The following ARHGEF12 variants were observed in gnomAD, a reference collection of about 807,000 sequenced individuals.
The protein encoded by ARHGEF12 is KMT2A/ARHGEF12 fusion protein.
ARHGEF12 carries 66 observed loss-of-function variants against 211.2 expected under a neutral mutation model. The ratio of observed to expected loss-of-function variants is 0.31; its 90% confidence interval spans 0.26 to 0.38. The LOEUF (loss-of-function observed/expected upper bound fraction) is 0.38, where lower values mean the gene tolerates loss of function less well. Ranked by LOEUF, ARHGEF12 falls within the 10% of genes least tolerant of loss-of-function variation. ARHGEF12 has a pLI of 1.00. For synonymous variants in ARHGEF12, 592 were observed against 638.4 expected (o/e 0.93, Z 1.09); for missense variants, 1,429 against 1,869.5 (o/e 0.76, Z 4.34).
chr11:120,337,189 G>A lies in ARHGEF12; in HGVS notation c.-55G>A, dbSNP rs1942375460. On this transcript the variant is annotated 5_prime_UTR_variant, in exon 1 of 41. In the 5' UTR this introduces an upstream ATG that the reference lacks. Transcript: ENST00000397843. ...CCAGAGCACTGGGGGTGGGGAGGAG[G>A]TGTTACTGTAAAATGCAAGTTGGAT... The A allele has an allele frequency of 2.5e-6, 4 of 1,609,294 alleles. No homozygotes were observed. The highest frequency in any genetic ancestry group is 3.4e-6 in the Non-Finnish European group (4 of 1,175,594).
intron 4 of ARHGEF12, among the ~76,000 whole-genome samples, chr11:120,417,658 G>A (rs1945071993): frequency 6.6e-6 from 1 of 151,820 alleles, no homozygotes. Flanking sequence ...GAGATTACAG[G>A]TACCTACCAC....
chr11:120,456,967 A>C (rs1228273125), intron 22 of ARHGEF12, 151 bp from the exon 23 acceptor site: 2 of 628,226 alleles, frequency 3.2e-6, no homozygotes, highest in Non-Finnish European at 5.3e-6. Flanking sequence ...AATTTTGTAT[A>C]TTAAATTTTT....
intron 39 of ARHGEF12, among the ~76,000 whole-genome samples, chr11:120,482,351 A>G (rs1260595898): frequency 6.6e-6 from 1 of 152,174 alleles, no homozygotes; most frequent in Non-Finnish European, 1.5e-5. Flanking sequence ...GTAATCTAAA[A>G]ACATGGTCAT....
chr11:120,427,726 C>T (rs999818824), intron 7 of ARHGEF12, among the ~76,000 whole-genome samples: 6 of 151,110 alleles, frequency 4.0e-5, no homozygotes, highest in Non-Finnish European at 8.9e-5. Context: ...TTAAACATAG[C>T]CACTAATAGA....
At position 120,484,563 on chromosome 11, in the gene ARHGEF12, AT is replaced by A. The variant is rs533055727; in HGVS notation, c.4624+57del. The stretch of plus-strand genomic sequence containing the variant: ...GACTAATCATCCTACACTGAATGAA[AT>A]GACTTATCATACTTTGAAGTGAAAA... On this transcript the variant is annotated intron_variant, in intron 40 of 40. Coordinates refer to ENST00000397843, the MANE Select transcript of ARHGEF12 (RefSeq NM_015313.3). 141 of 1,411,440 alleles carry A rather than the reference AT, an allele frequency of 1.0e-4. No homozygotes were observed. The African/African-American group carries it at 1.8e-3, about 18-fold the overall frequency. The allele number at this position is 1,411,440 out of a possible 1,614,324, so 87.4% of individuals were successfully genotyped here. A position where few individuals can be genotyped will look rare whatever the true frequency, so the allele number is the denominator to read the frequency against.
At chr11:120,344,903 C>T (rs1942656508) in intron 1 of ARHGEF12, among the ~76,000 whole-genome samples, 1 of 152,176 alleles carries the variant, frequency 6.6e-6, no homozygotes, top group Non-Finnish European at 1.5e-5. Context: ...TTTCTGTAAC[C>T]ATTCAAGTGT....
At chr11:120,420,142 T>A (rs940774479) in intron 4 of ARHGEF12, among the ~76,000 whole-genome samples, 10 of 152,208 alleles carry the variant, frequency 6.6e-5, no homozygotes, top group Non-Finnish European at 1.3e-4. Context: ...TCTATTTTTT[T>A]CTCTTTTCTG....
intron 4 of ARHGEF12, chr11:120,411,286 A>C (rs1231281733): frequency 1.3e-5 from 2 of 152,184 alleles, no homozygotes; most frequent in Non-Finnish European, 2.9e-5. Context: ...CAGAATTAGC[A>C]TGCTAACGTA....
At chr11:120,412,098 T>A (rs1486989106) in intron 4 of ARHGEF12, among the ~76,000 whole-genome samples, 1 of 152,214 alleles carries the variant, frequency 6.6e-6, no homozygotes, top group African/African-American at 2.4e-5. Flanking sequence ...TATTTGTCCC[T>A]TTCTACCTGT....
At position 120,458,100 on chromosome 11, in the gene ARHGEF12, G is replaced by A. The variant is rs759270093; in HGVS notation, c.2246G>A (p.Gly749Glu). Residue 749 changes from glycine (G) to glutamate (E), a missense_variant, in exon 25 of 41, where the codon GGA (glycine) becomes GAA (glutamate). Gly to Glu is a moderately conservative substitution (Grantham distance 98, BLOSUM62 -2). This residue lies in a region of ARHGEF12 where 373 missense variants were observed against 467.5 expected (regional missense o/e 0.80). Transcript: ENST00000397843. ...PFRKFDSVAFGESQSEDEQFE... is the reference protein window; with the variant it reads ...PFRKFDSVAFEESQSEDEQFE... ...CATAGGTTTGACAGTGTAGCTTTTG[G>A]AGAAAGTCAAAGTGAGGATGAACAA... The A allele has an allele frequency of 2.0e-5, 32 of 1,608,398 alleles. No homozygotes were observed. Among genetic ancestry groups the A allele is most frequent in the Non-Finnish European group, 2.5e-5 (29 of 1,178,870 alleles).
At chr11:120,469,432 C>A (rs377008507) in intron 30 of ARHGEF12, 44 bp downstream of exon 30, 17 of 1,431,216 alleles carry the variant, frequency 1.2e-5, no homozygotes, top group Non-Finnish European at 1.6e-5. Flanking sequence ...ATTGGGAGAA[C>A]ATTAAATTAA....
At chr11:120,373,697 CCTT>C (rs1431323320) in intron 1 of ARHGEF12, among the ~76,000 whole-genome samples, 1 of 151,560 alleles carries the variant, frequency 6.6e-6, no homozygotes, top group Non-Finnish European at 1.5e-5. Flanking sequence ...TTTTTTTCCC[CCTT>C]CTATGTTTTT....
intron 28 of ARHGEF12, among the ~76,000 whole-genome samples, chr11:120,466,591 A>G (rs1386758379): frequency 6.6e-6 from 1 of 152,228 alleles, no homozygotes; most frequent in Non-Finnish European, 1.5e-5. Context: ...TACACAGAGT[A>G]TTTACACAAG....
intron 1 of ARHGEF12, among the ~76,000 whole-genome samples, chr11:120,380,005 C>A (rs1943835099): frequency 2.6e-5 from 4 of 152,092 alleles, no homozygotes; most frequent in Admixed American, 2.0e-4. Flanking sequence ...TTTTCACTTT[C>A]ATTTGTCAGA....
intron 4 of ARHGEF12, among the ~76,000 whole-genome samples, chr11:120,416,313 G>A (rs1350127187): frequency 6.6e-6 from 1 of 152,096 alleles, no homozygotes; most frequent in Non-Finnish European, 1.5e-5. Context: ...AAGGTTCTGA[G>A]ATAAGATTGT....
intron 1 of ARHGEF12, among the ~76,000 whole-genome samples, chr11:120,363,017 G>T (rs995788313): frequency 1.3e-5 from 2 of 152,162 alleles, no homozygotes; most frequent in Admixed American, 6.5e-5. Flanking sequence ...GGAGAATGGC[G>T]TGAACTCGGG....
intron 1 of ARHGEF12, among the ~76,000 whole-genome samples, chr11:120,370,831 AT>A (rs200625784): frequency 1.7e-3 from 226 of 136,450 alleles, no homozygotes; most frequent in East Asian, 6.5e-3. Context: ...ACCTCCTTTC[AT>A]TTTTTTTTTC....
rs1410585273 is a variant in ARHGEF12, at chr11:120,336,445, C to T, written c.-799C>T. Among the ~76,000 whole-genome samples, 1 of 151,528 alleles carries T rather than the reference C, an allele frequency of 6.6e-6. No homozygotes were observed. Among genetic ancestry groups the T allele is most frequent in the Admixed American group, 6.6e-5 (1 of 15,212 alleles). ...GGCGAGCCGGCCCTGCGCCGGGAGA[C>T]GCCGCCGCCTCCGCCTCCCGGACCA... On this transcript the variant is annotated 5_prime_UTR_variant, in exon 1 of 41. The change creates a new upstream start codon in the 5' untranslated region. Transcript: ENST00000397843.
rs752954616 is a variant in ARHGEF12, at chr11:120,477,303, C to T, written c.3450C>T (p.Gly1150=). The change falls in exon 35 of 41, where the codon GGC becomes GGT. Residue 1150 remains glycine, a splice_region_variant and synonymous_variant. Transcript: ENST00000397843. ...KPIPLPQSTP[G]EGDNDEEDPS... ...TTCCATTACCACAGTCAACACCTGGCGAGTGAGTGTTCCTTTGCATTGTAG... is the reference window on the plus strand; with the variant it reads ...TTCCATTACCACAGTCAACACCTGGTGAGTGAGTGTTCCTTTGCATTGTAG... The T allele has an allele frequency of 6.2e-7, 1 of 1,613,446 alleles. No individual in the cohort carries two copies. Among genetic ancestry groups the T allele is most frequent in the Non-Finnish European group, 8.5e-7 (1 of 1,179,782 alleles).
Sources: gnomAD v4.1 joint callset for allele counts (sites outside exome capture counted in the v4.1 genomes callset) on GRCh38, gnomAD v4.1.1 for gene constraint, gnomAD v4.1.1 regional missense constraint, MANE v1.5 for transcripts, NCBI Gene and HGNC (gene_info 2026-07-23, HGNC 2026-07-21) for gene names.